Variants in CHAF1A observed in about 807,000 individuals in gnomAD.
CHAF1A encodes the protein chromatin assembly factor 1 subunit A.
In CHAF1A, 5 loss-of-function variants were observed where a neutral mutation model predicts 93.2. That is an observed-to-expected ratio of 0.05 (90% CI 0.03 to 0.11). The LOEUF (loss-of-function observed/expected upper bound fraction) is 0.11. CHAF1A is among the 10% of genes least tolerant of loss of function. The probability of loss-of-function intolerance (pLI) is 1.00; values close to 1 mark genes in which losing one functional copy is unlikely to be tolerated. For synonymous variants in CHAF1A, 504 were observed against 510.3 expected, an observed-to-expected ratio of 0.99 and a Z score of 0.17; for missense variants, 1,102 against 1,259.9, an observed-to-expected ratio of 0.87 and a Z score of 1.90.
At chr19:4,443,719 G>A (rs1003811139), downstream of CHAF1A, among the ~76,000 whole-genome samples, 1 of 152,186 alleles carries the variant, frequency 6.6e-6, no homozygotes, top group Non-Finnish European at 1.5e-5. Context: ...CTGAGGCTTT[G>A]TGAGAGCCCA....
chr19:4,422,733 G>A lies in CHAF1A; in HGVS notation c.1185G>A (p.Lys395=). The A allele has an allele frequency of 3.7e-6, 6 of 1,612,786 alleles. No individual in the cohort carries two copies. The highest frequency in any genetic ancestry group is 5.1e-6 in the Non-Finnish European group (6 of 1,179,590). ...ERREKREKDE[K]EKAEKQRLKE... Reference sequence around the variant, plus strand: ...GGGAGAAGCGGGAGAAGGATGAGAAGGAGAAGGCGGAGAAGCAGCGGCTCA... The same window carrying A: ...GGGAGAAGCGGGAGAAGGATGAGAAAGAGAAGGCGGAGAAGCAGCGGCTCA... The change falls in exon 5 of 15, where the codon AAG becomes AAA. Residue 395 remains lysine (K), a synonymous_variant. Transcript: ENST00000301280. The surrounding 1 kb of genome is among the most constrained non-coding windows in gnomAD (Gnocchi z 4.6).
At position 4,431,994 on chromosome 19, in the gene CHAF1A, A is replaced by G; in HGVS notation, c.1990A>G (p.Lys664Glu). ...PENHKVRQKLKAKEWDEFLAK... is the reference protein window; with the variant it reads ...PENHKVRQKLEAKEWDEFLAK... ...GAACCATAAGGTCCGCCAGAAACTGAAGGCCAAGGAGTGGGACGAGTTCCT... is the reference window on the plus strand; with the variant it reads ...GAACCATAAGGTCCGCCAGAAACTGGAGGCCAAGGAGTGGGACGAGTTCCT... The change falls in exon 12 of 15, where the codon AAG becomes GAG. Residue 664 changes from lysine to glutamate, a missense_variant. Lys to Glu is a moderately conservative substitution (Grantham distance 56). This residue lies in a region of CHAF1A where 335 missense variants were observed against 361.9 expected (regional missense o/e 0.93). Transcript: ENST00000301280. The G allele has an allele frequency of 6.2e-7, 1 of 1,613,318 alleles. No homozygotes were observed. The highest frequency in any genetic ancestry group is 8.5e-7 in the Non-Finnish European group (1 of 1,179,392).
chr19:4,443,819 C>T (rs543206062), downstream of CHAF1A, among the ~76,000 whole-genome samples: 8 of 152,144 alleles, frequency 5.3e-5, no homozygotes, highest in South Asian at 6.2e-4. Context: ...CCACACTGTC[C>T]GAGGGAGGAC....
At chr19:4,447,511 C>T, downstream of CHAF1A, 1 of 1,610,216 alleles carries the variant, frequency 6.2e-7, no homozygotes, top group Non-Finnish European at 8.5e-7. Context: ...GCTGCCCCCA[C>T]CCCCAGCCTG....
chr19:4,445,578 C>G (rs552510595), downstream of CHAF1A: 32 of 1,613,770 alleles, frequency 2.0e-5, no homozygotes, highest in South Asian at 3.3e-4. Flanking sequence ...TTGATGTCCT[C>G]CAGCACAGCC....
chr19:4,405,768 A>T, intron 1 of CHAF1A, 144 bp from the exon 2 acceptor site: 1 of 644,286 alleles, frequency 1.6e-6, no homozygotes. Context: ...AACCAAAAAC[A>T]TCTCTAGACT....
intron 7 of CHAF1A, among the ~76,000 whole-genome samples, chr19:4,424,425 G>A (rs1974044719): frequency 6.6e-6 from 1 of 152,168 alleles, no homozygotes; most frequent in Non-Finnish European, 1.5e-5. Flanking sequence ...TTTGTGCCAT[G>A]TTGCCACATT....
chr19:4,429,496 G>A lies in CHAF1A; in HGVS notation c.1663G>A (p.Gly555Ser), dbSNP rs1974142495. 21 of 1,613,950 alleles carry A rather than the reference G, an allele frequency of 1.3e-5. No individual in the cohort carries two copies. Among genetic ancestry groups the A allele is most frequent in the Non-Finnish European group, 1.8e-5 (21 of 1,179,970 alleles). The change falls in exon 9 of 15, where the codon GGC becomes AGC. Residue 555 changes from glycine to serine, a missense_variant. By Grantham distance (56) the Gly-to-Ser change is moderately conservative (BLOSUM62 0). This residue lies in a region of CHAF1A where 335 missense variants were observed against 361.9 expected (regional missense o/e 0.93). Transcript: ENST00000301280. Reference protein sequence around the residue: ...GDGVPERRKFGRMKLLQFCEN... With the variant: ...GDGVPERRKFSRMKLLQFCEN... ...CGGTGTTCCCGAGAGGAGGAAGTTT[G>A]GCAGGATGAAGCTCCTGCAGTTCTG...
chr19:4,439,442 G>A lies in CHAF1A; in HGVS notation c.2674-2803G>A, dbSNP rs183944156. ...TGCTGGCGAGATGACAGCTGTCCCCGTGAAGCAAGCTGCCGGCAGCTCAGC... is the reference window on the plus strand; with the variant it reads ...TGCTGGCGAGATGACAGCTGTCCCCATGAAGCAAGCTGCCGGCAGCTCAGC... On this transcript the variant is annotated intron_variant, in intron 13 of 14. Coordinates refer to ENST00000301280, the MANE Select transcript of CHAF1A (RefSeq NM_005483.3). Among the ~76,000 whole-genome samples, 621 of 152,300 alleles carry A rather than the reference G, an allele frequency of 4.1e-3. 2 individuals are homozygous for A. The highest frequency in any genetic ancestry group is 7.0e-3 in the Non-Finnish European group (473 of 68,026).
At position 4,443,030 on chromosome 19, in the gene CHAF1A, A is replaced by G. The variant is rs1027473401; in HGVS notation, c.*5A>G. 6.4e-7 allele frequency: 1 copy of G among 1,556,534 alleles called. No individual in the cohort carries two copies. The highest frequency in any genetic ancestry group is 8.8e-7 in the Non-Finnish European group (1 of 1,141,016). ...AGCCCACTGGGTGCATCCTGAGAGC[A>G]GGGGTGACGTATGTAGAATGCTTAG... On this transcript the variant is annotated 3_prime_UTR_variant, in exon 15 of 15. Coordinates refer to ENST00000301280, the MANE Select transcript of CHAF1A (RefSeq NM_005483.3).
chr19:4,435,046 C>G (rs1423734458), intron 13 of CHAF1A, among the ~76,000 whole-genome samples: 1 of 151,340 alleles, frequency 6.6e-6, no homozygotes, highest in African/African-American at 2.4e-5. Flanking sequence ...GTCCTTACCA[C>G]ACAGTGTTCG....
chr19:4,446,983 A>T, downstream of CHAF1A: 1 of 1,532,134 alleles, frequency 6.5e-7, no homozygotes, highest in Non-Finnish European at 9.0e-7. Flanking sequence ...GCCACACCCC[A>T]CCCAGTCCAG....
At chr19:4,411,781 G>T (rs1220358226) in intron 3 of CHAF1A, among the ~76,000 whole-genome samples, 2 of 151,372 alleles carry the variant, frequency 1.3e-5, no homozygotes, top group Admixed American at 6.6e-5. Context: ...TTGAGTAGCT[G>T]GGATTACAGG....
chr19:4,445,614 C>A, downstream of CHAF1A: 4 of 1,613,172 alleles, frequency 2.5e-6, no homozygotes, highest in South Asian at 4.4e-5. Flanking sequence ...GTCAGGAGGG[C>A]AGAGGGCACC....
At position 4,418,075 on chromosome 19, in the gene CHAF1A, G is replaced by C. The variant is rs759134958; in HGVS notation, c.1016G>C (p.Arg339Thr). 6.3e-7 allele frequency: 1 copy of C among 1,595,684 alleles called. No homozygotes were observed. The highest frequency in any genetic ancestry group is 1.1e-5 in the South Asian group (1 of 87,406). ...GAGAAGAACAAGCTCAGACTGCAAA[G>C]AGTAAGACATTTTCCCTGAAATAGA... is the stretch of plus-strand genomic sequence containing the variant. Reference protein sequence around the residue: ...STEKNKLRLQRDQERLGKQLK... With the variant: ...STEKNKLRLQTDQERLGKQLK... Residue 339 changes from arginine to threonine, a missense_variant and splice_region_variant, in exon 4 of 15, where the codon AGA becomes ACA. Arg to Thr is a moderately conservative substitution (Grantham distance 71). This residue lies in a region of CHAF1A where 165 missense variants were observed against 243.9 expected (regional missense o/e 0.68). Transcript: ENST00000301280.
intron 2 of CHAF1A, among the ~76,000 whole-genome samples, chr19:4,406,549 T>C (rs534422039): frequency 4.6e-5 from 7 of 151,426 alleles, no homozygotes; most frequent in Admixed American, 4.6e-4. Flanking sequence ...ATTCTCCTCC[T>C]TCAGCCTCCC....
intron 7 of CHAF1A, among the ~76,000 whole-genome samples, chr19:4,427,136 C>CCTTTTTTTTTTT (rs1974098205): frequency 3.1e-5 from 1 of 31,948 alleles, no homozygotes; most frequent in Non-Finnish European, 5.0e-5. Flanking sequence ...AAGACCCTGT[C>CCTTTTTTTTTTT]TTTTTTTTTT....
chr19:4,429,567 G>T lies in CHAF1A; in HGVS notation c.1734G>T (p.Thr578=), dbSNP rs527458345. 1.9e-6 allele frequency: 3 copies of T among 1,614,072 alleles called. No homozygotes were observed. The Admixed American group carries it at 5.0e-5, about 27-fold the overall frequency. Reference sequence around the variant, plus strand: ...ACTGGGGTACCTGGAATAAGAAGACGGCACTCATCCGCGCGCGAGACCCCT... The same window carrying T: ...ACTGGGGTACCTGGAATAAGAAGACTGCACTCATCCGCGCGCGAGACCCCT... ...PAYWGTWNKK[T]ALIRARDPWA... Residue 578 remains threonine, a synonymous_variant, in exon 9 of 15, where the codon ACG becomes ACT. Transcript: ENST00000301280.
rs573957691 is a variant in CHAF1A at position 4,433,689 on chromosome 19, C to T, written c.2673+150C>T. On this transcript the variant is annotated intron_variant, in intron 13 of 14. Coordinates refer to ENST00000301280, the MANE Select transcript of CHAF1A (RefSeq NM_005483.3). The surrounding 1 kb of genome is among the most constrained non-coding windows in gnomAD (Gnocchi z 5.6). ...AATCTCAGCTCACTGCAACCTCCTCCCTCCTGGGTTCAAGTGATTCTCCTG... is the reference window on the plus strand; with the variant it reads ...AATCTCAGCTCACTGCAACCTCCTCTCTCCTGGGTTCAAGTGATTCTCCTG... 7 of 644,530 alleles carry T rather than the reference C, an allele frequency of 1.1e-5. No individual in the cohort carries two copies. In the East Asian group the frequency reaches 1.7e-4, roughly 15 times the overall value. 39.9% of individuals were successfully genotyped at this position (644,530 alleles called of 1,614,324 possible).
Sources: gnomAD v4.1 joint callset for allele counts (sites outside exome capture counted in the v4.1 genomes callset) on GRCh38, gnomAD v4.1.1 for gene constraint, gnomAD v4.1.1 regional missense constraint, Gnocchi (gnomAD v3.1) non-coding constraint, MANE v1.5 for transcripts, NCBI Gene and HGNC (gene_info 2026-07-23, HGNC 2026-07-21) for gene names.